Variants in CDH4 observed in about 807,000 individuals in gnomAD.
The protein encoded by CDH4 is cadherin-4.
A neutral mutation model predicts 86.0 loss-of-function variants in CDH4; 33 were observed. That is an observed-to-expected ratio of 0.38 (90% confidence interval 0.29 to 0.51). The LOEUF (loss-of-function observed/expected upper bound fraction) is 0.51, where lower values mean the gene tolerates loss of function less well. CDH4 is among the 20% of genes least tolerant of loss of function. The pLI, the probability that CDH4 is intolerant of heterozygous loss-of-function variation, is 0.86. For missense variants in CDH4, 1,114 were observed against 1,307.4 expected (o/e 0.85, Z 2.28); for synonymous variants, 555 against 549.4 (o/e 1.01, Z -0.14).
At chr20:61,777,484 C>T (rs2088855142) in intron 4 of CDH4, among the ~76,000 whole-genome samples, 1 of 152,242 alleles carries the variant, frequency 6.6e-6, no homozygotes, top group South Asian at 2.1e-4. Flanking sequence ...AGCTTAATGC[C>T]AGGAAAGATG....
chr20:61,831,031 C>G (rs747400061), intron 4 of CDH4, among the ~76,000 whole-genome samples: 1 of 152,090 alleles, frequency 6.6e-6, no homozygotes, highest in Non-Finnish European at 1.5e-5. Flanking sequence ...GAAAGAGGGC[C>G]GGGGTCTCGC....
chr20:61,322,527 C>G (rs995601703), intron 2 of CDH4, among the ~76,000 whole-genome samples: 1 of 152,150 alleles, frequency 6.6e-6, no homozygotes, highest in African/African-American at 2.4e-5. Context: ...TTCCTTGGTG[C>G]CTGAATCCCC....
At chr20:61,744,852 G>A (rs1251439439) in intron 3 of CDH4, among the ~76,000 whole-genome samples, 1 of 152,204 alleles carries the variant, frequency 6.6e-6, no homozygotes, top group South Asian at 2.1e-4. Context: ...GAAGTGGCCA[G>A]GTCCCCTTCG....
rs117862890 is a variant in CDH4, at chr20:61,436,515, G to A, written c.169+181578G>A. On this transcript the variant is annotated intron_variant, in intron 2 of 15. Coordinates refer to ENST00000614565, the MANE Select transcript of CDH4 (RefSeq NM_001794.5). Reference sequence around the variant, plus strand: ...GCTTTCATTATAAAGGAAACAGAACGCATAGGGTGAGGTCTGGGAGGGGCA... The same window carrying A: ...GCTTTCATTATAAAGGAAACAGAACACATAGGGTGAGGTCTGGGAGGGGCA... The A allele has an allele frequency of 5.9e-5, 9 of 152,354 alleles. No homozygotes were observed. The East Asian group carries it at 1.5e-3, about 26-fold the overall frequency. The allele number at this position is 152,354 out of a possible 1,614,324, so 9.4% of individuals were successfully genotyped here.
At position 61,884,448 on chromosome 20, in the gene CDH4, C is replaced by T. The variant is rs940475154; in HGVS notation, c.1051-10462C>T. On this transcript the variant is annotated intron_variant, in intron 7 of 15. Transcript: ENST00000614565. ...GTGAGGGAGAGACAGTGGCAGTGGACGGTCCACGAGTTTAAAGGGGTGAGC... is the reference window on the plus strand; with the variant it reads ...GTGAGGGAGAGACAGTGGCAGTGGATGGTCCACGAGTTTAAAGGGGTGAGC... Among the ~76,000 whole-genome samples, 92 of 152,104 alleles carry T rather than the reference C, an allele frequency of 6.0e-4. 2 individuals carry two copies. Among genetic ancestry groups the T allele is most frequent in the Non-Finnish European group, 1.5e-4 (10 of 68,026 alleles).
intron 2 of CDH4, among the ~76,000 whole-genome samples, chr20:61,508,806 T>G (rs2085759674): frequency 6.6e-6 from 1 of 152,200 alleles, no homozygotes; most frequent in Non-Finnish European, 1.5e-5. Context: ...CAGATAGGGC[T>G]GGACAAAAAT....
chr20:61,307,171 G>A (rs2084421825), intron 2 of CDH4, among the ~76,000 whole-genome samples: 2 of 152,232 alleles, frequency 1.3e-5, no homozygotes, highest in Admixed American at 1.3e-4. Context: ...ATGAAATACT[G>A]CTGAGGTCGG....
In CDH4 at chr20:61,699,183, G is replaced by A. The variant is rs867693776; in HGVS notation, c.170-44380G>A. On this transcript the variant is annotated intron_variant, in intron 2 of 15. Coordinates refer to ENST00000614565, the MANE Select transcript of CDH4 (RefSeq NM_001794.5). Reference sequence around the variant, plus strand: ...GCGCACAGGCGCTCTGACCTTCTCCGTATCCCTGCATTTAATTAGCTGGTC... The same window carrying A: ...GCGCACAGGCGCTCTGACCTTCTCCATATCCCTGCATTTAATTAGCTGGTC... Among the ~76,000 whole-genome samples the A allele has an allele frequency of 5.9e-5, 9 of 152,234 alleles. No homozygotes were observed. The East Asian group carries it at 9.6e-4, about 16-fold the overall frequency.
chr20:61,706,000 C>T (rs1178720015), intron 2 of CDH4, among the ~76,000 whole-genome samples: 1 of 152,236 alleles, frequency 6.6e-6, no homozygotes, highest in Non-Finnish European at 1.5e-5. Context: ...CCCACGGGTG[C>T]TGGCTTGGAC....
At chr20:61,688,185 T>C (rs967882509) in intron 2 of CDH4, among the ~76,000 whole-genome samples, 7 of 152,106 alleles carry the variant, frequency 4.6e-5, no homozygotes, top group African/African-American at 1.7e-4. Flanking sequence ...GGTGACGTCG[T>C]GACCAGAAAC....
At chr20:61,866,206 C>T (rs1363160840) in intron 6 of CDH4, among the ~76,000 whole-genome samples, 1 of 152,126 alleles carries the variant, frequency 6.6e-6, no homozygotes, top group Non-Finnish European at 1.5e-5. Flanking sequence ...CTGGGGTATA[C>T]ACAACATAGG....
chr20:61,497,871 T>C (rs1285001758), intron 2 of CDH4, among the ~76,000 whole-genome samples: 1 of 151,990 alleles, frequency 6.6e-6, no homozygotes, highest in Non-Finnish European at 1.5e-5. Flanking sequence ...GGAATACTAT[T>C]CAGCCATAAA....
intron 2 of CDH4, among the ~76,000 whole-genome samples, chr20:61,547,231 G>A (rs1294289104): frequency 3.9e-5 from 4 of 102,112 alleles, no homozygotes; most frequent in African/African-American, 1.7e-4. Context: ...TTTGCCCCCT[G>A]AGACGGAGTC....
intron 2 of CDH4, among the ~76,000 whole-genome samples, chr20:61,640,660 T>C (rs2086997164): frequency 1.3e-5 from 2 of 152,186 alleles, no homozygotes; most frequent in Non-Finnish European, 2.9e-5. Flanking sequence ...GAGATGCATC[T>C]TTAAGAGTTG....
At chr20:61,465,752 G>T (rs928873168) in intron 2 of CDH4, among the ~76,000 whole-genome samples, 2 of 152,064 alleles carry the variant, frequency 1.3e-5, no homozygotes, top group Non-Finnish European at 1.5e-5. Flanking sequence ...TTTCATGCTT[G>T]CAAAGGTTGC....
At chr20:61,767,340 C>A (rs951162252) in intron 3 of CDH4, among the ~76,000 whole-genome samples, 13 of 152,224 alleles carry the variant, frequency 8.5e-5, no homozygotes, top group African/African-American at 2.9e-4. Flanking sequence ...CTGCTGCCCC[C>A]ACCGGGGCTG....
intron 14 of CDH4, 130 bp downstream of exon 14, chr20:61,933,254 A>G: frequency 8.4e-7 from 1 of 1,196,300 alleles, no homozygotes; most frequent in Non-Finnish European, 1.2e-6. Flanking sequence ...GGTGCCAGGC[A>G]GGGGCGCACG....
At chr20:61,331,638 C>CTG (rs1568801134) in intron 2 of CDH4, among the ~76,000 whole-genome samples, 28 of 23,228 alleles carry the variant, frequency 1.2e-3, no homozygotes, top group East Asian at 2.8e-3. Context: ...CTGCCCCAGA[C>CTG]CCACCTCCCG....
chr20:61,342,192 T>C (rs1218402925), intron 2 of CDH4, among the ~76,000 whole-genome samples: 6 of 152,220 alleles, frequency 3.9e-5, no homozygotes, highest in Non-Finnish European at 1.5e-5. Context: ...ACGGACCCGT[T>C]TCATGGAAGA....
Sources: allele counts gnomAD v4.1 joint callset (sites outside exome capture counted in the v4.1 genomes callset), GRCh38; gene constraint gnomAD v4.1.1; transcripts MANE v1.5; gene names NCBI Gene and HGNC (gene_info 2026-07-23, HGNC 2026-07-21).